Variants in UGT1A8 observed in about 807,000 individuals in gnomAD.
UGT1A8 encodes the protein UDP glucuronosyltransferase family 1 member A8.
UGT1A8 carries 39 observed loss-of-function variants against 45.3 expected under a neutral mutation model. The observed-to-expected ratio is 0.86, with a 90% CI of 0.67 to 1.12. The LOEUF is 1.12. UGT1A8 is among the 50% of genes most tolerant of loss of function. UGT1A8 has a pLI of 0.00. For synonymous variants in UGT1A8, 275 were observed against 249.2 expected (o/e 1.10, Z -0.97); for missense variants, 719 against 664.9 (o/e 1.08, Z -0.90).
chr2:233,754,486 C>T (rs2125926114), intron 1 of UGT1A8: 1 of 357,902 alleles, frequency 2.8e-6, no homozygotes, highest in East Asian at 7.3e-5. Context: ...CACTTTCAAT[C>T]CTAAAAAAAG....
intron 1 of UGT1A8, chr2:233,637,329 G>T: frequency 6.2e-7 from 1 of 1,613,938 alleles, no homozygotes; most frequent in Non-Finnish European, 8.5e-7. Context: ...TGCCCAACAT[G>T]ATCTTCATTG....
Position 233,618,252 on chromosome 2 carries a change from A to T in UGT1A8, c.545A>T (p.Gln182Leu). The T allele has an allele frequency of 3.7e-6, 6 of 1,613,930 alleles. No homozygotes were observed. The highest frequency in any genetic ancestry group is 5.1e-6 in the Non-Finnish European group (6 of 1,179,868). Reference sequence around the variant, plus strand: ...TGCCACTATCTTGAAGAAGGTGCACAGTGCCCTGCTCCTCTTTCCTATGTC... The same window carrying T: ...TGCCACTATCTTGAAGAAGGTGCACTGTGCCCTGCTCCTCTTTCCTATGTC... Reference protein sequence around the residue: ...IACHYLEEGAQCPAPLSYVPR... With the variant: ...IACHYLEEGALCPAPLSYVPR... The change falls in exon 1 of 5, where the codon CAG (glutamine) becomes CTG (leucine). Residue 182 changes from glutamine to leucine, a missense_variant. Gln to Leu is a moderately radical substitution (Grantham distance 113). Transcript: ENST00000373450.
intron 1 of UGT1A8, among the ~76,000 whole-genome samples, chr2:233,674,817 C>T (rs1479968897): frequency 2.6e-5 from 4 of 152,142 alleles, no homozygotes; most frequent in East Asian, 1.9e-4. Context: ...GAAGGCTTTC[C>T]GGCAAAGAGC....
At chr2:233,748,424 C>G (rs1693941657) in intron 1 of UGT1A8, among the ~76,000 whole-genome samples, 1 of 151,772 alleles carries the variant, frequency 6.6e-6, no homozygotes, top group Non-Finnish European at 1.5e-5. Flanking sequence ...CTTGACCCAT[C>G]TGGATTTTTT....
chr2:233,761,189 T>C (rs763009411), intron 1 of UGT1A8: 1 of 1,614,202 alleles, frequency 6.2e-7, no homozygotes, highest in South Asian at 1.1e-5. Context: ...GCGTATATTC[T>C]TTCAGATGTA....
intron 1 of UGT1A8, among the ~76,000 whole-genome samples, chr2:233,660,978 C>A (rs2073951199): frequency 6.6e-6 from 1 of 151,994 alleles, no homozygotes; most frequent in African/African-American, 2.4e-5. Context: ...TTTTATTTAG[C>A]TTTATGTTGT....
intron 1 of UGT1A8, chr2:233,760,764 C>A (rs199766420): frequency 8.1e-6 from 13 of 1,614,088 alleles, no homozygotes; most frequent in Non-Finnish European, 1.0e-5. Context: ...GCAGCCCCAT[C>A]GTGGCCCAGT....
intron 1 of UGT1A8, among the ~76,000 whole-genome samples, chr2:233,685,164 G>C (rs2125531270): frequency 6.6e-6 from 1 of 152,218 alleles, no homozygotes; most frequent in Admixed American, 6.5e-5. Flanking sequence ...AACAAGGATG[G>C]TAGATCATCA....
In UGT1A8 at chr2:233,767,846, C is replaced by G. The variant is rs1699507381; in HGVS notation, c.988-3C>G. The G allele has an allele frequency of 6.2e-7, 1 of 1,614,014 alleles. No individual in the cohort carries two copies. Among genetic ancestry groups the G allele is most frequent in the Non-Finnish European group, 8.5e-7 (1 of 1,180,026 alleles). ...TACGTTCTGCTCTTTTTGCCCCTCC[C>G]AGGTCCTGTGGCGGTACACTGGAAC... On this transcript the variant is annotated splice_region_variant and splice_polypyrimidine_tract_variant and intron_variant, in intron 2 of 4. Coordinates refer to ENST00000373450, the MANE Select transcript of UGT1A8 (RefSeq NM_019076.5).
intron 1 of UGT1A8, among the ~76,000 whole-genome samples, chr2:233,645,467 G>C (rs1351537499): frequency 6.6e-6 from 1 of 152,184 alleles, no homozygotes; most frequent in Non-Finnish European, 1.5e-5. Flanking sequence ...CTGAGACAAG[G>C]CAAGTCCCTT....
chr2:233,683,632 T>G (rs1032548922), intron 1 of UGT1A8, among the ~76,000 whole-genome samples: 5 of 152,178 alleles, frequency 3.3e-5, no homozygotes, highest in Admixed American at 1.3e-4. Flanking sequence ...TTTCCATAAA[T>G]AAAATTTTGC....
At chr2:233,623,867 C>T (rs757846672) in intron 1 of UGT1A8, among the ~76,000 whole-genome samples, 2 of 152,172 alleles carry the variant, frequency 1.3e-5, no homozygotes, top group African/African-American at 2.4e-5. Context: ...GACTCCAAGA[C>T]CATTTGCAGA....
intron 1 of UGT1A8, among the ~76,000 whole-genome samples, chr2:233,758,095 C>A (rs1037336650): frequency 2.0e-5 from 3 of 152,150 alleles, no homozygotes; most frequent in Non-Finnish European, 2.9e-5. Context: ...ATAGTGACTG[C>A]CATCCAGTAG....
intron 1 of UGT1A8, among the ~76,000 whole-genome samples, chr2:233,710,054 G>A (rs2076107374): frequency 6.6e-6 from 1 of 152,154 alleles, no homozygotes; most frequent in Non-Finnish European, 1.5e-5. Context: ...TCTTTGGCTC[G>A]GCATAATGTC....
chr2:233,762,253 C>T (rs1056806461), intron 1 of UGT1A8, among the ~76,000 whole-genome samples: 3 of 152,100 alleles, frequency 2.0e-5, no homozygotes, highest in African/African-American at 7.2e-5. Context: ...AGGCACCCAC[C>T]GAATATGTGT....
At chr2:233,719,159 T>A (rs28898610) in intron 1 of UGT1A8, 4 of 1,614,122 alleles carry the variant, frequency 2.5e-6, no homozygotes, top group Non-Finnish European at 3.4e-6. Context: ...ATTCTAGAAG[T>A]ATGGCAATTA....
At chr2:233,687,154 A>C (rs2074825974) in intron 1 of UGT1A8, among the ~76,000 whole-genome samples, 1 of 152,256 alleles carries the variant, frequency 6.6e-6, no homozygotes, top group Non-Finnish European at 1.5e-5. Flanking sequence ...TAATACATGC[A>C]GATGACTGGC....
intron 4 of UGT1A8, chr2:233,770,813 A>G (rs910931761): frequency 2.0e-5 from 3 of 152,228 alleles, no homozygotes; most frequent in African/African-American, 7.2e-5. Flanking sequence ...ACAGTGTATT[A>G]GGCTGTTCTT....
At chr2:233,636,606 G>A (rs1338754754) in intron 1 of UGT1A8, 6 of 1,614,162 alleles carry the variant, frequency 3.7e-6, no homozygotes, top group South Asian at 1.1e-5. Context: ...CAGGGAAGCT[G>A]CTGGTAGTGC....
Sources: allele counts gnomAD v4.1 joint callset (sites outside exome capture counted in the v4.1 genomes callset), GRCh38; gene constraint gnomAD v4.1.1; transcripts MANE v1.5; gene names NCBI Gene and HGNC (gene_info 2026-07-23, HGNC 2026-07-21).